The following PARD3 variants were observed in gnomAD, a reference collection of about 807,000 sequenced individuals.
PARD3 encodes the protein partitioning defective 3 homolog.
In PARD3, 75 loss-of-function variants were observed where a neutral mutation model predicts 155.4. That is an observed-to-expected ratio of 0.48 (90% CI 0.40 to 0.58). The LOEUF is 0.58. Ranked by LOEUF, PARD3 falls within the 20% of genes least tolerant of loss-of-function variation. The pLI is 0.00. For synonymous variants in PARD3, 576 were observed against 610.5 expected, an observed-to-expected ratio of 0.94 and a Z score of 0.83; for missense variants, 1,642 against 1,721.7, an observed-to-expected ratio of 0.95 and a Z score of 0.82.
chr10:34,242,361 G>A (rs1442655833), intron 22 of PARD3, among the ~76,000 whole-genome samples: 1 of 152,034 alleles, frequency 6.6e-6, no homozygotes, highest in African/African-American at 2.4e-5. Context: ...GGCCCCTCTA[G>A]CCTGCAGGTG....
chr10:34,204,984 C>A (rs1564480381), intron 22 of PARD3, among the ~76,000 whole-genome samples: 1 of 152,122 alleles, frequency 6.6e-6, no homozygotes, highest in South Asian at 2.1e-4. Context: ...CGTAATTAAG[C>A]CAAACGATTG....
intron 2 of PARD3, among the ~76,000 whole-genome samples, chr10:34,669,759 T>A (rs1279151949): frequency 6.6e-6 from 1 of 152,150 alleles, no homozygotes; most frequent in African/African-American, 2.4e-5. Context: ...GTTCTGAGTA[T>A]CTGCATTAAA....
intron 22 of PARD3, among the ~76,000 whole-genome samples, chr10:34,178,508 T>C (rs994298812): frequency 4.6e-5 from 7 of 152,204 alleles, no homozygotes; most frequent in Non-Finnish European, 1.0e-4. Context: ...TTCACAAACA[T>C]TGACCTTTAG....
At chr10:34,576,622 C>T (rs964458533) in intron 2 of PARD3, among the ~76,000 whole-genome samples, 3 of 152,042 alleles carry the variant, frequency 2.0e-5, no homozygotes, top group African/African-American at 7.2e-5. Context: ...TAGTGTGTCA[C>T]CCCCTGACTG....
Position 34,337,384 on chromosome 10 carries a change from T to C in PARD3, c.2451A>G (p.Arg817=). 3 of 1,602,820 alleles carry C rather than the reference T, an allele frequency of 1.9e-6. No homozygotes were observed. Among genetic ancestry groups the C allele is most frequent in the Non-Finnish European group, 1.7e-6 (2 of 1,174,918 alleles). ...ACATACTCTGACGTCCAAATCCTTC[T>C]CGTTGAAAAGCAAGAACTGGATCAA... ...PDVDPVLAFQ[R]EGFGRQSMSE... Residue 817 remains arginine, a synonymous_variant, in exon 17 of 25, where the codon CGA becomes CGG. Transcript: ENST00000374788.
At chr10:34,665,760 C>A (rs1453631022) in intron 2 of PARD3, among the ~76,000 whole-genome samples, 1 of 151,428 alleles carries the variant, frequency 6.6e-6, no homozygotes, top group Non-Finnish European at 1.5e-5. Context: ...ATCACTTGAA[C>A]CCAGGAGGCG....
chr10:34,750,317 A>T (rs1312082291), intron 1 of PARD3, among the ~76,000 whole-genome samples: 1 of 152,064 alleles, frequency 6.6e-6, no homozygotes, highest in African/African-American at 2.4e-5. Flanking sequence ...TCAAACATAT[A>T]TTAATCTATG....
chr10:34,583,877 TA>T (rs1420357211), intron 2 of PARD3, among the ~76,000 whole-genome samples: 1 of 152,042 alleles, frequency 6.6e-6, no homozygotes, highest in African/African-American at 2.4e-5. Context: ...AATTGAAGAT[TA>T]AAAAAAATCA....
In PARD3 at chr10:34,358,580, G is replaced by A. The variant is rs560214791; in HGVS notation, c.2067+567C>T. On this transcript the variant is annotated intron_variant, in intron 14 of 24. Transcript: ENST00000374788. ...CTATGGCGCGTGCCTGTAATCCCAG[G>A]ACTTTGGCAGACTGAGGCAGGAGAA... 6.1e-4 allele frequency among the ~76,000 whole-genome samples: 93 copies of A among 152,188 alleles called. 1 individual carries two copies. The highest frequency in any genetic ancestry group is 4.0e-4 in the Non-Finnish European group (27 of 68,004).
chr10:34,155,327 C>G (rs1009234758), intron 22 of PARD3, among the ~76,000 whole-genome samples: 1 of 152,122 alleles, frequency 6.6e-6, no homozygotes. Context: ...TAAAACCCCA[C>G]CAAAATGCCA....
intron 2 of PARD3, among the ~76,000 whole-genome samples, chr10:34,560,141 C>T (rs2085345507): frequency 6.6e-6 from 1 of 152,116 alleles, no homozygotes; most frequent in African/African-American, 2.4e-5. Context: ...ATTTCTAAGA[C>T]TCACAGGAGA....
Position 34,234,388 on chromosome 10 carries a change from T to A in PARD3, c.3419+35269A>T, listed in dbSNP as rs867554777. ...CGGAATAAAATTTCATATTTTAGCT[T>A]TGCCTCGGTAGGTTCATCTGCCACA... On this transcript the variant is annotated intron_variant, in intron 22 of 24. Transcript: ENST00000374788. 8.5e-5 allele frequency among the ~76,000 whole-genome samples: 13 copies of A among 152,324 alleles called. 1 individual carries two copies. The South Asian group carries it at 1.9e-3, about 22-fold the overall frequency.
At chr10:34,336,423 A>T in intron 17 of PARD3, 180 bp from the exon 18 acceptor site, 3 of 553,496 alleles carry the variant, frequency 5.4e-6, no homozygotes, top group Middle Eastern at 5.4e-4. Flanking sequence ...CAGTGTCTCC[A>T]TGCAATATGC....
chr10:34,114,144 C>T (rs952367083), intron 24 of PARD3, among the ~76,000 whole-genome samples: 4 of 151,870 alleles, frequency 2.6e-5, no homozygotes, highest in African/African-American at 9.7e-5. Context: ...TGCCTGTAGT[C>T]CCAGCAACTT....
chr10:34,268,253 G>A (rs969798060), intron 22 of PARD3, among the ~76,000 whole-genome samples: 6 of 151,962 alleles, frequency 3.9e-5, no homozygotes, highest in African/African-American at 9.7e-5. Context: ...CAGTTAGAAT[G>A]GTGATCATTA....
At chr10:34,266,414 A>T (rs1955311422) in intron 22 of PARD3, among the ~76,000 whole-genome samples, 1 of 152,206 alleles carries the variant, frequency 6.6e-6, no homozygotes, top group South Asian at 2.1e-4. Context: ...TAGTAACATC[A>T]ATCTTTGTTT....
intron 22 of PARD3, among the ~76,000 whole-genome samples, chr10:34,161,851 T>C (rs1198311366): frequency 4.6e-5 from 7 of 152,164 alleles, no homozygotes; most frequent in Admixed American, 6.5e-5. Flanking sequence ...CTCAATTCCA[T>C]GGCCATCCGA....
intron 3 of PARD3, among the ~76,000 whole-genome samples, chr10:34,495,546 A>G (rs899193479): frequency 1.3e-5 from 2 of 152,234 alleles, no homozygotes; most frequent in East Asian, 1.9e-4. Flanking sequence ...AATAAAAGCA[A>G]TAATTCCAAA....
At chr10:34,753,275 G>C (rs1034382148) in intron 1 of PARD3, among the ~76,000 whole-genome samples, 4 of 152,320 alleles carry the variant, frequency 2.6e-5, no homozygotes, top group Non-Finnish European at 5.9e-5. Flanking sequence ...CTAAGAGCTG[G>C]GGACACCCTT....
Sources: gnomAD v4.1 joint callset for allele counts (sites outside exome capture counted in the v4.1 genomes callset) on GRCh38, gnomAD v4.1.1 for gene constraint, MANE v1.5 for transcripts, NCBI Gene and HGNC (gene_info 2026-07-23, HGNC 2026-07-21) for gene names.